CDSN: variants seen among roughly 807,000 people sequenced by gnomAD.
The protein encoded by CDSN is corneodesmosin.
Under a neutral mutation model 25.6 loss-of-function variants are expected in CDSN, and 11 were observed. That is an observed-to-expected ratio of 0.43 (90% CI 0.27 to 0.71). CDSN has a LOEUF of 0.71. Among genes scored for constraint, CDSN ranks in the 30% least tolerant of loss-of-function variants. The pLI, the probability that CDSN is intolerant of heterozygous loss-of-function variation, is 0.20. For synonymous variants in CDSN, 266 were observed against 267.4 expected (o/e 0.99, Z 0.05); for missense variants, 598 against 670.9 (o/e 0.89, Z 1.20).
chr6:31,118,542 C>G (rs1337222107), intron 1 of CDSN: 1 of 152,646 alleles, frequency 6.6e-6, no homozygotes, highest in Non-Finnish European at 1.5e-5. Flanking sequence ...CTTCTGCTGC[C>G]TTGACTTCCC....
In CDSN at chr6:31,116,907, G is replaced by A. The variant is rs3094215; in HGVS notation, c.708C>T (p.Ser236=). ...PCSGGPIVSH[S]GPYIPSSHSV... is the part of the protein sequence containing the mutation. ...AGTGGGAGCTGGGGATGTAGGGGCC[G>A]GAGTGCGAGACGATGGGCCCTCCAC... The change falls in exon 2 of 2, where the codon TCC becomes TCT. Residue 236 remains serine, a synonymous_variant. Transcript: ENST00000376288. 0.52 allele frequency: 832,287 copies of A among 1,613,594 alleles called. 219,983 individuals carry two copies. The highest frequency in any genetic ancestry group is 0.69 in the East Asian group (30,744 of 44,866).
In CDSN at chr6:31,116,484, G is replaced by A; in HGVS notation, c.1131C>T (p.Val377=). 6.2e-7 allele frequency: 1 copy of A among 1,606,176 alleles called. No individual in the cohort carries two copies. The highest frequency in any genetic ancestry group is 8.5e-7 in the Non-Finnish European group (1 of 1,176,108). The part of the protein sequence containing the change: ...IAFQPVGTGG[V]QLCGGGSTGS... ...CCGTGGAGCCGCCTCCACAGAGCTG[G>A]ACCCCACCAGTCCCCACTGGCTGGA... Residue 377 remains valine, a synonymous_variant, in exon 2 of 2, where the codon GTC becomes GTT. Coordinates refer to ENST00000376288, the MANE Select transcript of CDSN (RefSeq NM_001264.5).
Position 31,116,969 on chromosome 6 carries a change from G to C in CDSN, c.646C>G (p.Arg216Gly), listed in dbSNP as rs749498091. Reference protein sequence around the residue: ...SSGQSVSSNQRPCSSDIPDSP... With the variant: ...SSGQSVSSNQGPCSSDIPDSP... Reference sequence around the variant, plus strand: ...TCGGGGATGTCCGAACTACAGGGACGCTGGTTGGAGCTGACGCTTTGGCCA... The same window carrying C: ...TCGGGGATGTCCGAACTACAGGGACCCTGGTTGGAGCTGACGCTTTGGCCA... Residue 216 changes from arginine (R) to glycine (G), a missense_variant, in exon 2 of 2, where the codon CGT (arginine) becomes GGT (glycine). Coordinates refer to ENST00000376288, the MANE Select transcript of CDSN (RefSeq NM_001264.5). The C allele has an allele frequency of 2.7e-5, 44 of 1,614,198 alleles. No homozygotes were observed. Among genetic ancestry groups the C allele is most frequent in the Non-Finnish European group, 3.6e-5 (42 of 1,180,036 alleles).
chr6:31,118,980 C>T (rs1316217070), intron 1 of CDSN, among the ~76,000 whole-genome samples: 1 of 151,268 alleles, frequency 6.6e-6, no homozygotes, highest in Admixed American at 6.6e-5. Context: ...GTAGCTGGGA[C>T]CACAGGTGCC....
intron 1 of CDSN, chr6:31,117,911 C>CTTGAA (rs746283544): frequency 2.0e-5 from 5 of 245,200 alleles, no homozygotes; most frequent in Non-Finnish European, 3.2e-5. Flanking sequence ...CCAGCCTGGG[C>CTTGAA]AACATAGACC....
chr6:31,117,351 G>GGAGCCACCACCA lies in CDSN; in HGVS notation c.252_263dup (p.Gly85_Ser88dup). On this transcript the variant is annotated inframe_insertion, in exon 2 of 2. Transcript: ENST00000376288. ...TGCTGGATCCGCTGGAGCTACCACTGGAGCCACCACCAGAGCTTCTGGCAC... is the reference window on the plus strand; with the variant it reads ...TGCTGGATCCGCTGGAGCTACCACTGGAGCCACCACCAGAGCCACCACCAGAGCTTCTGGCAC... The GGAGCCACCACCA allele has an allele frequency of 1.3e-6, 2 of 1,578,946 alleles. No individual in the cohort carries two copies. The highest frequency in any genetic ancestry group is 1.7e-6 in the Non-Finnish European group (2 of 1,162,098).
rs972954759 is a variant in CDSN at position 31,115,162 on chromosome 6, C to T, written c.*863G>A. On this transcript the variant is annotated 3_prime_UTR_variant, in exon 2 of 2. Coordinates refer to ENST00000376288, the MANE Select transcript of CDSN (RefSeq NM_001264.5). This position sits in a 1 kb window ranked among gnomAD's most constrained non-coding sequence, Gnocchi z 4.2. ...TGGAAGGTAGAAGAGAAACACAGCC[C>T]GCTTTTGAAGGAAAATGAGGAACAC... The T allele has an allele frequency of 1.8e-5, 6 of 333,936 alleles. No individual in the cohort carries two copies. The highest frequency in any genetic ancestry group is 4.8e-5 in the South Asian group (2 of 41,566). 20.7% of individuals were successfully genotyped at this position (333,936 alleles called of 1,614,324 possible). A position where few individuals can be genotyped will look rare whatever the true frequency, so the allele number is the denominator to read the frequency against.
At position 31,117,136 on chromosome 6, in the gene CDSN, C is replaced by T; in HGVS notation, c.479G>A (p.Ser160Asn). 1 of 1,610,582 alleles carries T rather than the reference C, an allele frequency of 6.2e-7. No individual in the cohort carries two copies. Among genetic ancestry groups the T allele is most frequent in the Non-Finnish European group, 8.5e-7 (1 of 1,178,138 alleles). The part of the protein sequence containing the change: ...SSSSHSSSSS[S>N]FQFSSSSFQV... ...GAAGCTGCTGCTGCTGAACTGAAAG[C>T]TGCTGCTGCTGCTCGAATGAGAGCT... Residue 160 changes from serine to asparagine, a missense_variant, in exon 2 of 2, where the codon AGC becomes AAC. Coordinates refer to ENST00000376288, the MANE Select transcript of CDSN (RefSeq NM_001264.5).
At position 31,116,581 on chromosome 6, in the gene CDSN, A is replaced by T; in HGVS notation, c.1034T>A (p.Ile345Asn). 6.2e-7 allele frequency: 1 copy of T among 1,613,700 alleles called. No individual in the cohort carries two copies. Among genetic ancestry groups the T allele is most frequent in the Non-Finnish European group, 8.5e-7 (1 of 1,179,942 alleles). ...GCTGGAGAAGTATTTGCCCTCAGAG[A>T]TGGGGGGCCCAGCTGCAAAGGAAGG... Reference protein sequence around the residue: ...GVPSFAAGPPISEGKYFSSNP... With the variant: ...GVPSFAAGPPNSEGKYFSSNP... The change falls in exon 2 of 2, where the codon ATC (isoleucine) becomes AAC (asparagine). Residue 345 changes from isoleucine to asparagine, a missense_variant. Coordinates refer to ENST00000376288, the MANE Select transcript of CDSN (RefSeq NM_001264.5).
chr6:31,119,825 G>A (rs557721174), intron 1 of CDSN, among the ~76,000 whole-genome samples: 74 of 152,294 alleles, frequency 4.9e-4, no homozygotes, highest in African/African-American at 1.7e-3. Context: ...AGAGTCGCTT[G>A]AACCTGAGAG....
intron 1 of CDSN, 98 bp from the exon 2 acceptor site, chr6:31,117,627 C>CTGCGCTCTGCTTGGG: frequency 9.7e-7 from 1 of 1,031,744 alleles, no homozygotes; most frequent in Non-Finnish European, 1.5e-6. Flanking sequence ...GGGTTTCTCC[C>CTGCGCTCTGCTTGGG]AAGCAGAGCG....
chr6:31,117,097 C>T lies in CDSN; in HGVS notation c.518G>A (p.Gly173Asp), dbSNP rs150026609. The T allele has an allele frequency of 1.2e-6, 2 of 1,614,076 alleles. No homozygotes were observed. The highest frequency in any genetic ancestry group is 2.7e-5 in the African/African-American group (2 of 74,938). Reference sequence around the variant, plus strand: ...GTTGTCATTGGTTGGCAGAGCAGAGCCATTCCCTACTTGGAAGCTGCTGCT... The same window carrying T: ...GTTGTCATTGGTTGGCAGAGCAGAGTCATTCCCTACTTGGAAGCTGCTGCT... ...FSSSSFQVGNGSALPTNDNSY... is the reference protein window; with the variant it reads ...FSSSSFQVGNDSALPTNDNSY... The change falls in exon 2 of 2, where the codon GGC becomes GAC. Residue 173 changes from glycine (G) to aspartate (D), a missense_variant. Coordinates refer to ENST00000376288, the MANE Select transcript of CDSN (RefSeq NM_001264.5).
chr6:31,116,651 C>A lies in CDSN; in HGVS notation c.964G>T (p.Gly322Cys). The change falls in exon 2 of 2, where the codon GGC becomes TGC. Residue 322 changes from glycine (G) to cysteine (C), a missense_variant. Coordinates refer to ENST00000376288, the MANE Select transcript of CDSN (RefSeq NM_001264.5). ...TYSKGKIYPV[G>C]YFTKENPVKG... Reference sequence around the variant, plus strand: ...ACAGGGTTCTCTTTGGTGAAGTAGCCCACAGGGTAGATTTTACCCTTACTG... The same window carrying A: ...ACAGGGTTCTCTTTGGTGAAGTAGCACACAGGGTAGATTTTACCCTTACTG... The A allele has an allele frequency of 6.2e-7, 1 of 1,612,844 alleles. No homozygotes were observed. The highest frequency in any genetic ancestry group is 8.5e-7 in the Non-Finnish European group (1 of 1,180,018).
chr6:31,116,083 G>A lies in CDSN; in HGVS notation c.1532C>T (p.Pro511Leu), dbSNP rs754267246. Residue 511 changes from proline to leucine, a missense_variant, in exon 2 of 2, where the codon CCC (proline) becomes CTC (leucine). Coordinates refer to ENST00000376288, the MANE Select transcript of CDSN (RefSeq NM_001264.5). Reference sequence around the variant, plus strand: ...GAAAACTTCAGGGTCAGCTAGCTGGGGCCCCAGAGGCTTCACTTGGGCTAG... The same window carrying A: ...GAAAACTTCAGGGTCAGCTAGCTGGAGCCCCAGAGGCTTCACTTGGGCTAG... ...DILAQVKPLG[P>L]QLADPEVFLP... 45 of 1,611,846 alleles carry A rather than the reference G, an allele frequency of 2.8e-5. No homozygotes were observed. In the Middle Eastern group the frequency reaches 5.2e-4, roughly 19 times the overall value.
chr6:31,120,208 T>C, intron 1 of CDSN, 127 bp downstream of exon 1: 1 of 743,258 alleles, frequency 1.3e-6, no homozygotes, highest in Non-Finnish European at 2.3e-6. Flanking sequence ...GAGGCGACCA[T>C]ACAGTGAGGA....
Position 31,116,200 on chromosome 6 carries a change from T to C in CDSN, c.1415A>G (p.Asp472Gly). The C allele has an allele frequency of 6.2e-7, 1 of 1,613,508 alleles. No homozygotes were observed. The highest frequency in any genetic ancestry group is 8.5e-7 in the Non-Finnish European group (1 of 1,179,724). ...GGAGGGATCAGGATGGGGAGAGCCA[T>C]CGGGGCCCCCAGTCAGTGTCAAGGA... Reference protein sequence around the residue: ...VSSLTLTGGPDGSPHPDPSAG... With the variant: ...VSSLTLTGGPGGSPHPDPSAG... Residue 472 changes from aspartate (D) to glycine (G), a missense_variant, in exon 2 of 2, where the codon GAT becomes GGT. Asp to Gly is a moderately conservative substitution (Grantham distance 94). Coordinates refer to ENST00000376288, the MANE Select transcript of CDSN (RefSeq NM_001264.5).
rs1772116110 is a variant in CDSN at position 31,116,317 on chromosome 6, C to T, written c.1298G>A (p.Ser433Asn). 4 of 1,613,834 alleles carry T rather than the reference C, an allele frequency of 2.5e-6. No homozygotes were observed. In the Middle Eastern group the frequency reaches 5.0e-4, roughly 200 times the overall value. ...GCCACTGGATTGGGAACTGGAGCTGCTGCTGAAGGAGCCGGTGCCTGGTGG... is the reference window on the plus strand; with the variant it reads ...GCCACTGGATTGGGAACTGGAGCTGTTGCTGAAGGAGCCGGTGCCTGGTGG... ...CSPPGTGSFS[S>N]SSSSQSSGKI... Residue 433 changes from serine (S) to asparagine (N), a missense_variant, in exon 2 of 2, where the codon AGC becomes AAC. Ser to Asn is a conservative substitution (Grantham distance 46). Transcript: ENST00000376288.
chr6:31,119,528 T>C (rs9263671), intron 1 of CDSN, among the ~76,000 whole-genome samples: 138,553 of 152,092 alleles, frequency 0.91, 63,263 homozygotes, highest in East Asian at 0.98. Flanking sequence ...CTTTCCTAAC[T>C]TCTCTGAGCC....
chr6:31,118,903 C>G (rs1772314770), intron 1 of CDSN: 1 of 126,100 alleles, frequency 7.9e-6, no homozygotes, highest in African/African-American at 3.0e-5. Flanking sequence ...AGTGCAATAA[C>G]ACGGTCTCAG....
Sources: allele counts gnomAD v4.1 joint callset (sites outside exome capture counted in the v4.1 genomes callset), GRCh38; gene constraint gnomAD v4.1.1; non-coding constraint Gnocchi (gnomAD v3.1); transcripts MANE v1.5; gene names NCBI Gene and HGNC (gene_info 2026-07-23, HGNC 2026-07-21).